NUP37: variants seen among roughly 807,000 people sequenced by gnomAD.
NUP37 encodes the protein nucleoporin 37, also known as nucleoporin Nup37.
NUP37 carries 33 observed loss-of-function variants against 45.4 expected under a neutral mutation model. The observed-to-expected ratio is 0.73, with a 90% CI of 0.55 to 0.97. The LOEUF (loss-of-function observed/expected upper bound fraction) is 0.97, where lower values mean the gene tolerates loss of function less well. NUP37 is among the 50% of genes least tolerant of loss of function. NUP37 has a pLI of 0.00. For missense variants in NUP37, 365 were observed against 389.7 expected (o/e 0.94, Z 0.53); for synonymous variants, 127 against 130.7 (o/e 0.97, Z 0.19).
chr12:102,117,321 A>C (rs1387339431), intron 2 of NUP37, among the ~76,000 whole-genome samples: 1 of 151,786 alleles, frequency 6.6e-6, no homozygotes, highest in Non-Finnish European at 1.5e-5. Flanking sequence ...GTGGTGGTGC[A>C]TGCCTGTAAT....
intron 4 of NUP37, among the ~76,000 whole-genome samples, chr12:102,099,622 C>T (rs1446952980): frequency 6.6e-6 from 1 of 152,184 alleles, no homozygotes; most frequent in East Asian, 1.9e-4. Flanking sequence ...ATACTCACTA[C>T]TTAACAAACA....
intron 6 of NUP37, among the ~76,000 whole-genome samples, chr12:102,083,941 C>T (rs1185238150): frequency 1.3e-5 from 2 of 151,842 alleles, no homozygotes; most frequent in Non-Finnish European, 2.9e-5. Flanking sequence ...TGGTGTTAGA[C>T]CAAGGGATGG....
At chr12:102,092,691 T>C (rs184305906) in intron 5 of NUP37, among the ~76,000 whole-genome samples, 3 of 152,276 alleles carry the variant, frequency 2.0e-5, no homozygotes, top group East Asian at 3.9e-4. Context: ...TGGGGAACCA[T>C]GTAACTGAAA....
chr12:102,119,824 G>C (rs1202785840), intron 1 of NUP37, among the ~76,000 whole-genome samples: 3 of 152,112 alleles, frequency 2.0e-5, no homozygotes, highest in African/African-American at 7.2e-5. Flanking sequence ...CGTTGGACAG[G>C]ACTTGCCCCT....
intron 8 of NUP37, among the ~76,000 whole-genome samples, chr12:102,075,915 T>TA (rs1359830067): frequency 2.0e-5 from 3 of 151,492 alleles, no homozygotes; most frequent in African/African-American, 7.3e-5. Flanking sequence ...GCAAATGGAG[T>TA]ACTTCTCTTA....
intron 6 of NUP37, among the ~76,000 whole-genome samples, chr12:102,083,420 A>G (rs1360613762): frequency 6.6e-6 from 1 of 152,234 alleles, no homozygotes; most frequent in Admixed American, 6.5e-5. Flanking sequence ...TGGGCCTGGA[A>G]CAAATTTCCA....
chr12:102,104,359 T>C (rs986085450), intron 3 of NUP37, among the ~76,000 whole-genome samples: 4 of 152,314 alleles, frequency 2.6e-5, no homozygotes, highest in Middle Eastern at 3.4e-3. Context: ...TTTGTATACA[T>C]TCTGGATATT....
intron 5 of NUP37, among the ~76,000 whole-genome samples, chr12:102,096,558 G>A (rs1413663327): frequency 1.3e-5 from 2 of 152,052 alleles, no homozygotes; most frequent in Non-Finnish European, 2.9e-5. Flanking sequence ...AATATGCATA[G>A]ATCAAAATAT....
intron 1 of NUP37, chr12:102,119,376 C>A (rs1214991260): frequency 6.6e-6 from 1 of 152,132 alleles, no homozygotes; most frequent in Non-Finnish European, 1.5e-5. Flanking sequence ...TTGTAATAAA[C>A]CTGCACGTCC....
At chr12:102,099,513 T>C (rs1389238787) in intron 4 of NUP37, among the ~76,000 whole-genome samples, 1 of 152,068 alleles carries the variant, frequency 6.6e-6, no homozygotes, top group East Asian at 1.9e-4. Flanking sequence ...CTTTCTCACT[T>C]ATTATATAAA....
intron 3 of NUP37, among the ~76,000 whole-genome samples, chr12:102,109,237 A>G (rs1265699830): frequency 6.6e-6 from 1 of 152,222 alleles, no homozygotes; most frequent in Non-Finnish European, 1.5e-5. Flanking sequence ...AGGGATGGAA[A>G]GAGTAGAAAG....
At chr12:102,095,395 G>A (rs2136733728) in intron 5 of NUP37, among the ~76,000 whole-genome samples, 1 of 152,052 alleles carries the variant, frequency 6.6e-6, no homozygotes, top group Middle Eastern at 3.4e-3. Flanking sequence ...CACACATAAA[G>A]CATCAGTATT....
At chr12:102,094,607 C>T (rs1405927555) in intron 5 of NUP37, among the ~76,000 whole-genome samples, 1 of 152,046 alleles carries the variant, frequency 6.6e-6, no homozygotes, top group South Asian at 2.1e-4. Flanking sequence ...GCATGTGGTA[C>T]ACAGAACAAA....
intron 5 of NUP37, among the ~76,000 whole-genome samples, chr12:102,087,274 T>C (rs73382891): frequency 0.032 from 4,843 of 152,316 alleles, 234 homozygotes; most frequent in African/African-American, 0.11. Flanking sequence ...TCAAAGAAAG[T>C]AGAGTATGTA....
chr12:102,114,065 A>G (rs1880391821), intron 2 of NUP37, among the ~76,000 whole-genome samples: 1 of 152,232 alleles, frequency 6.6e-6, no homozygotes, highest in Admixed American at 6.5e-5. Flanking sequence ...AAATTTTACT[A>G]CTTCGTAATT....
At chr12:102,098,755 C>T (rs1177432192) in intron 5 of NUP37, among the ~76,000 whole-genome samples, 1 of 152,198 alleles carries the variant, frequency 6.6e-6, no homozygotes, top group African/African-American at 2.4e-5. Flanking sequence ...TGGTCATTAA[C>T]TCCTGACCTC....
intron 5 of NUP37, among the ~76,000 whole-genome samples, chr12:102,097,271 A>C (rs1879830951): frequency 6.6e-6 from 1 of 152,204 alleles, no homozygotes; most frequent in Non-Finnish European, 1.5e-5. Context: ...AGGAAAGCAA[A>C]TATTTGTTGA....
At chr12:102,080,800 G>A (rs1484928341) in intron 6 of NUP37, among the ~76,000 whole-genome samples, 1 of 152,202 alleles carries the variant, frequency 6.6e-6, no homozygotes, top group Non-Finnish European at 1.5e-5. Context: ...GCTATAGTAT[G>A]CAGTGGGGAA....
At chr12:102,104,261 C>A (rs377256498) in intron 3 of NUP37, among the ~76,000 whole-genome samples, 27 of 152,112 alleles carry the variant, frequency 1.8e-4, no homozygotes, top group African/African-American at 5.3e-4. Context: ...CATTCATATA[C>A]CTTCTTTGGA....
Sources: allele counts gnomAD v4.1 joint callset (sites outside exome capture counted in the v4.1 genomes callset), GRCh38; gene constraint gnomAD v4.1.1; transcripts MANE v1.5; gene names NCBI Gene and HGNC (gene_info 2026-07-23, HGNC 2026-07-21).